Variants in PVT1 observed in about 807,000 individuals in gnomAD.
PVT1 encodes CXCR4/PVT1 fusion.
intron 2 of PVT1, among the ~76,000 whole-genome samples, chr8:127,854,075 C>T (rs568442643): frequency 7.2e-5 from 11 of 152,340 alleles, no homozygotes; most frequent in Admixed American, 7.2e-4. Flanking sequence ...GCCCCAAGGC[C>T]GCCCACCCTC....
chr8:128,033,908 A>G (rs891840926), intron 4 of PVT1, among the ~76,000 whole-genome samples: 53 of 151,914 alleles, frequency 3.5e-4, no homozygotes, highest in African/African-American at 1.3e-3. Context: ...CCCTCTCCAC[A>G]CTTTTGCTTG....
intron 2 of PVT1, among the ~76,000 whole-genome samples, chr8:127,800,759 A>T (rs1328382598): frequency 6.6e-6 from 1 of 152,178 alleles, no homozygotes; most frequent in Non-Finnish European, 1.5e-5. Context: ...TTGGGGATGC[A>T]GAAAGGAAGA....
At chr8:127,872,728 G>A (rs75792101) in intron 2 of PVT1, among the ~76,000 whole-genome samples, 1,555 of 152,306 alleles carry the variant, frequency 0.01, 30 homozygotes, top group African/African-American at 0.035. Flanking sequence ...ACCCTGGCTC[G>A]GAATCTGAGC....
intron 5 of PVT1, among the ~76,000 whole-genome samples, chr8:128,093,293 C>T (rs112928310): frequency 0.023 from 3,436 of 152,264 alleles, 128 homozygotes; most frequent in African/African-American, 0.079. Flanking sequence ...AGCAGTGGCT[C>T]ATGCCTATAA....
chr8:127,931,067 G>A (rs756406039), intron 3 of PVT1, among the ~76,000 whole-genome samples: 1 of 152,074 alleles, frequency 6.6e-6, no homozygotes, highest in Non-Finnish European at 1.5e-5. Flanking sequence ...ACCACACCCA[G>A]CTAGTTTTTG....
intron 3 of PVT1, among the ~76,000 whole-genome samples, chr8:127,956,899 A>C (rs1452453606): frequency 6.6e-6 from 1 of 152,058 alleles, no homozygotes; most frequent in African/African-American, 2.4e-5. Flanking sequence ...TTTCATTTTT[A>C]TTTTATCTTA....
At chr8:127,872,686 T>C (rs1815364087) in intron 2 of PVT1, among the ~76,000 whole-genome samples, 1 of 152,246 alleles carries the variant, frequency 6.6e-6, no homozygotes, top group South Asian at 2.1e-4. Flanking sequence ...GCCTGTACTT[T>C]GGCAGAGAAT....
At chr8:127,831,155 C>A (rs35295416) in intron 2 of PVT1, among the ~76,000 whole-genome samples, 19,709 of 148,048 alleles carry the variant, frequency 0.13, 2,015 homozygotes, top group African/African-American at 0.29. Flanking sequence ...CTCTCTCTCT[C>A]TATATATATA....
At chr8:127,924,402 T>C (rs991799824) in intron 3 of PVT1, among the ~76,000 whole-genome samples, 3 of 152,146 alleles carry the variant, frequency 2.0e-5, no homozygotes, top group African/African-American at 4.8e-5. Flanking sequence ...AGTGGTGCCA[T>C]CTTGGCTCAC....
chr8:128,092,733 GC>G (rs1440923385), intron 5 of PVT1, among the ~76,000 whole-genome samples: 28 of 152,146 alleles, frequency 1.8e-4, no homozygotes, highest in Non-Finnish European at 2.9e-5. Flanking sequence ...GCAGAGACTG[GC>G]CAGCCTCACC....
intron 2 of PVT1, among the ~76,000 whole-genome samples, chr8:127,835,411 A>G (rs568634513): frequency 3.3e-5 from 5 of 151,038 alleles, no homozygotes; most frequent in African/African-American, 4.9e-5. Context: ...ACATATGGAC[A>G]CAGGGAGGGG....
chr8:127,932,718 A>G, intron 3 of PVT1: 3 of 383,426 alleles, frequency 7.8e-6, no homozygotes, highest in Non-Finnish European at 1.4e-5. Context: ...TTATATTTCT[A>G]TCTTATAATA....
intron 4 of PVT1, chr8:127,998,175 T>A (rs555458328): frequency 6.6e-6 from 1 of 152,318 alleles, no homozygotes; most frequent in Admixed American, 6.5e-5. Flanking sequence ...CTTTCTTAAC[T>A]CCCTTTTTAT....
In PVT1 at chr8:127,801,909, T is replaced by C. The variant is rs1261760813; in HGVS notation, n.372+5838T>C. Among the ~76,000 whole-genome samples the C allele has an allele frequency of 8.6e-5, 13 of 151,660 alleles. No individual in the cohort carries two copies. In the East Asian group the frequency reaches 2.5e-3, roughly 29 times the overall value. On this transcript the variant is annotated intron_variant and non_coding_transcript_variant, in intron 2 of 10. Transcript: ENST00000651587. ...ATCTCATTATTTATTTATTTATTTATTTATTTATTTATTTATTTATTTACT... is the reference window on the plus strand; with the variant it reads ...ATCTCATTATTTATTTATTTATTTACTTATTTATTTATTTATTTATTTACT...
At chr8:128,067,412 C>T (rs907434370) in intron 4 of PVT1, among the ~76,000 whole-genome samples, 1 of 152,168 alleles carries the variant, frequency 6.6e-6, no homozygotes, top group African/African-American at 2.4e-5. Flanking sequence ...TCCTTCCTTC[C>T]ACGGCTGGCA....
At chr8:127,957,751 GA>G (rs1352961832) in intron 3 of PVT1, among the ~76,000 whole-genome samples, 2 of 152,182 alleles carry the variant, frequency 1.3e-5, no homozygotes, top group East Asian at 3.9e-4. Context: ...TTTGCCTTGG[GA>G]GGCTTTGCAG....
chr8:128,099,136 G>A (rs913669447), intron 6 of PVT1, among the ~76,000 whole-genome samples: 3 of 152,152 alleles, frequency 2.0e-5, no homozygotes, highest in African/African-American at 7.2e-5. Flanking sequence ...TCCCACCCAG[G>A]CCTTCTCACT....
chr8:127,906,901 A>G (rs995892542), intron 3 of PVT1, among the ~76,000 whole-genome samples: 1 of 150,752 alleles, frequency 6.6e-6, no homozygotes, highest in Admixed American at 6.6e-5. Flanking sequence ...AGGCTGAGAC[A>G]CCCAGCCATT....
intron 4 of PVT1, among the ~76,000 whole-genome samples, chr8:128,041,723 G>A (rs1178279579): frequency 6.6e-6 from 1 of 152,054 alleles, no homozygotes; most frequent in Non-Finnish European, 1.5e-5. Context: ...TGTTTAGTAT[G>A]TGTGTGTTTG....
Sources: allele counts gnomAD v4.1 joint callset (sites outside exome capture counted in the v4.1 genomes callset), GRCh38; gene constraint gnomAD v4.1.1; transcripts MANE v1.5; gene names NCBI Gene and HGNC (gene_info 2026-07-23, HGNC 2026-07-21).